CSMD1: variants seen among roughly 807,000 people sequenced by gnomAD.
CSMD1 encodes CUB and Sushi multiple domains 1.
A neutral mutation model predicts 417.5 loss-of-function variants in CSMD1; 213 were observed. The ratio of observed to expected loss-of-function variants is 0.51; its 90% CI spans 0.46 to 0.57. The LOEUF is 0.57. Ranked by LOEUF, CSMD1 falls within the 20% of genes least tolerant of loss-of-function variation. The pLI, the probability that CSMD1 is intolerant of heterozygous loss-of-function variation, is 0.00. For synonymous variants in CSMD1, 2,862 were observed against 1,736.8 expected (o/e 1.65, Z -16.11); for missense variants, 6,923 against 4,529.7 (o/e 1.53, Z -15.17).
chr8:3,642,857 A>C (rs188541296), intron 7 of CSMD1, among the ~76,000 whole-genome samples: 328 of 152,078 alleles, frequency 2.2e-3, no homozygotes, highest in Admixed American at 4.5e-3. Flanking sequence ...GTATATCTAT[A>C]TATAGATTAT....
intron 1 of CSMD1, among the ~76,000 whole-genome samples, chr8:4,974,075 T>C (rs932258616): frequency 2.0e-5 from 3 of 152,038 alleles, no homozygotes; most frequent in Non-Finnish European, 4.4e-5. Context: ...GGCTGGAGAG[T>C]AGTGGTGCGA....
At chr8:3,723,195 G>T (rs1297407150) in intron 6 of CSMD1, among the ~76,000 whole-genome samples, 1 of 152,114 alleles carries the variant, frequency 6.6e-6, no homozygotes, top group Non-Finnish European at 1.5e-5. Context: ...GGGCACTCAG[G>T]GAAGCTTGTG....
At chr8:3,523,358 A>G (rs1159349768) in intron 10 of CSMD1, among the ~76,000 whole-genome samples, 2 of 152,218 alleles carry the variant, frequency 1.3e-5, no homozygotes, top group Admixed American at 6.5e-5. Context: ...TCATTCTGAG[A>G]TTACGTGAGA....
Position 4,831,985 on chromosome 8 carries a change from C to T in CSMD1, c.85+162347G>A, listed in dbSNP as rs553752005. On this transcript the variant is annotated intron_variant, in intron 1 of 69. Transcript: ENST00000635120. ...GAAAAAGTGAGGGGAACTCCAAATT[C>T]CCACTGCACACATAGTCACTTTCAA... is the stretch of plus-strand genomic sequence containing the variant. Among the ~76,000 whole-genome samples the T allele has an allele frequency of 3.3e-5, 5 of 152,322 alleles. No homozygotes were observed. The East Asian group carries it at 7.7e-4, about 24-fold the overall frequency.
chr8:3,966,537 G>A (rs1043590102), intron 5 of CSMD1, among the ~76,000 whole-genome samples: 5 of 152,076 alleles, frequency 3.3e-5, no homozygotes, highest in African/African-American at 9.7e-5. Flanking sequence ...GTATTCTTTT[G>A]TTTCAGGTTT....
intron 7 of CSMD1, among the ~76,000 whole-genome samples, chr8:3,638,057 G>A (rs944619078): frequency 5.3e-5 from 8 of 151,986 alleles, no homozygotes; most frequent in African/African-American, 1.7e-4. Flanking sequence ...GTCCTTATAG[G>A]AGCATGGCTT....
At chr8:3,677,323 C>A (rs997376687) in intron 7 of CSMD1, among the ~76,000 whole-genome samples, 1 of 152,124 alleles carries the variant, frequency 6.6e-6, no homozygotes, top group South Asian at 2.1e-4. Context: ...GACTTAATAA[C>A]CATCTATACC....
intron 1 of CSMD1, among the ~76,000 whole-genome samples, chr8:4,674,710 G>A (rs1219916754): frequency 6.6e-6 from 1 of 152,170 alleles, no homozygotes; most frequent in Non-Finnish European, 1.5e-5. Flanking sequence ...GTAGAAGAGA[G>A]TAGTGCAAAT....
chr8:4,643,617 G>A (rs1272299616), intron 1 of CSMD1, among the ~76,000 whole-genome samples: 1 of 152,198 alleles, frequency 6.6e-6, no homozygotes. Context: ...AGACTTCTAA[G>A]TGGCTCTGGA....
chr8:4,327,855 C>T (rs530002630), intron 3 of CSMD1, among the ~76,000 whole-genome samples: 26 of 152,298 alleles, frequency 1.7e-4, no homozygotes, highest in South Asian at 6.2e-4. Context: ...AAAGATGACA[C>T]ATTTTGTAAA....
At chr8:3,968,495 T>G (rs1314798161) in intron 5 of CSMD1, among the ~76,000 whole-genome samples, 1 of 152,114 alleles carries the variant, frequency 6.6e-6, no homozygotes, top group African/African-American at 2.4e-5. Flanking sequence ...TCTTCCGGAT[T>G]CAAAATACTT....
chr8:3,067,807 G>T (rs961223192), intron 49 of CSMD1, among the ~76,000 whole-genome samples: 19 of 151,800 alleles, frequency 1.3e-4, no homozygotes, highest in African/African-American at 4.6e-4. Flanking sequence ...TCCATGTGCT[G>T]TAATTACCTA....
At chr8:4,628,362 A>G (rs978238958) in intron 2 of CSMD1, among the ~76,000 whole-genome samples, 18 of 149,638 alleles carry the variant, frequency 1.2e-4, no homozygotes, top group Non-Finnish European at 2.2e-4. Context: ...ACTTCTATGT[A>G]TGTGTGTGTG....
intron 5 of CSMD1, among the ~76,000 whole-genome samples, chr8:3,782,669 G>A (rs367981088): frequency 6.6e-6 from 1 of 152,188 alleles, no homozygotes; most frequent in African/African-American, 2.4e-5. Flanking sequence ...TATATTCTCA[G>A]AGTCAACAAT....
At chr8:4,343,513 C>G (rs1800600841) in intron 3 of CSMD1, among the ~76,000 whole-genome samples, 1 of 151,588 alleles carries the variant, frequency 6.6e-6, no homozygotes, top group African/African-American at 2.4e-5. Flanking sequence ...CAATGCATAT[C>G]AAATATCAAA....
intron 23 of CSMD1, among the ~76,000 whole-genome samples, chr8:3,340,883 C>G (rs1807598101): frequency 6.6e-6 from 1 of 152,098 alleles, no homozygotes; most frequent in Admixed American, 6.6e-5. Flanking sequence ...AAAGGTGAAA[C>G]AGGGAGAACA....
chr8:4,916,517 G>C (rs929324313), intron 1 of CSMD1, among the ~76,000 whole-genome samples: 1 of 152,174 alleles, frequency 6.6e-6, no homozygotes, highest in Non-Finnish European at 1.5e-5. Context: ...AAATATGAAA[G>C]CTAAATGCAG....
chr8:3,262,725 C>A (rs992606172), intron 26 of CSMD1, among the ~76,000 whole-genome samples: 1 of 151,962 alleles, frequency 6.6e-6, no homozygotes, highest in Non-Finnish European at 1.5e-5. Context: ...ATTGTAATGT[C>A]TCATAGTGGA....
At chr8:2,993,058 A>C (rs1563214844) in intron 54 of CSMD1, among the ~76,000 whole-genome samples, 1 of 152,228 alleles carries the variant, frequency 6.6e-6, no homozygotes, top group Non-Finnish European at 1.5e-5. Flanking sequence ...AATAAAATAA[A>C]CACTGAAAGA....
Sources: allele counts gnomAD v4.1 joint callset (sites outside exome capture counted in the v4.1 genomes callset), GRCh38; gene constraint gnomAD v4.1.1; transcripts MANE v1.5; gene names NCBI Gene and HGNC (gene_info 2026-07-23, HGNC 2026-07-21).